Variants in XRCC4 observed in about 807,000 individuals in gnomAD.
The protein encoded by XRCC4 is DNA repair protein XRCC4.
Under a neutral mutation model 39.1 loss-of-function variants are expected in XRCC4, and 28 were observed. The observed-to-expected ratio is 0.72, with a 90% CI of 0.53 to 0.98. XRCC4 has a LOEUF of 0.98. Among genes scored for constraint, XRCC4 ranks in the 50% least tolerant of loss-of-function variants. The pLI is 0.00. For missense variants in XRCC4, 350 were observed against 376.4 expected (o/e 0.93, Z 0.58); for synonymous variants, 123 against 126.4 (o/e 0.97, Z 0.18).
At chr5:83,192,760 A>G (rs1390010998) in intron 3 of XRCC4, among the ~76,000 whole-genome samples, 1 of 152,158 alleles carries the variant, frequency 6.6e-6, no homozygotes, top group Admixed American at 6.5e-5. Flanking sequence ...AGAACTAACT[A>G]CAAAAAAACT....
chr5:83,110,445 G>A (rs1229172158), intron 2 of XRCC4, among the ~76,000 whole-genome samples: 2 of 151,952 alleles, frequency 1.3e-5, no homozygotes, highest in East Asian at 3.9e-4. Flanking sequence ...ACCTAGATAA[G>A]AGAATTGGAA....
chr5:83,131,248 G>T (rs79451822), intron 3 of XRCC4, among the ~76,000 whole-genome samples: 10 of 152,302 alleles, frequency 6.6e-5, no homozygotes, highest in Non-Finnish European at 1.3e-4. Context: ...TTCAGGGGCA[G>T]GTTGTTCAGT....
chr5:83,159,424 C>G (rs1012684912), intron 3 of XRCC4, among the ~76,000 whole-genome samples: 3 of 152,068 alleles, frequency 2.0e-5, no homozygotes, highest in African/African-American at 7.2e-5. Context: ...CCCCAGAACA[C>G]TGCCATGTGA....
Position 83,304,142 on chromosome 5 carries a change from A to T in XRCC4, c.893+45465A>T, listed in dbSNP as rs375339456. Among the ~76,000 whole-genome samples the T allele has an allele frequency of 1.1e-3, 166 of 151,880 alleles. 4 individuals carry two copies. In the South Asian group the frequency reaches 0.032, roughly 29 times the overall value. ...AGTACTTTTATTTAAGATCACATGA[A>T]TCATCTGCCCAAAATTACTGGGCTG... On this transcript the variant is annotated intron_variant, in intron 7 of 7. Transcript: ENST00000396027.
intron 2 of XRCC4, 126 bp downstream of exon 2, chr5:83,105,184 T>G: frequency 2.2e-6 from 2 of 890,052 alleles, no homozygotes; most frequent in Non-Finnish European, 3.3e-6. Context: ...GCTGTCAAAT[T>G]TATACACAGG....
chr5:83,345,428 A>C (rs890780604), intron 7 of XRCC4, among the ~76,000 whole-genome samples: 1 of 152,174 alleles, frequency 6.6e-6, no homozygotes, highest in African/African-American at 2.4e-5. Flanking sequence ...TATGTGTTGT[A>C]TAGGTAGAAA....
chr5:83,359,852 A>G, the XRCC4 span, among the ~76,000 whole-genome samples: 19 of 152,192 alleles, frequency 1.2e-4, no homozygotes, highest in Non-Finnish European at 7.3e-5. Flanking sequence ...AATCAATTTT[A>G]TAATTAAATA....
intron 6 of XRCC4, among the ~76,000 whole-genome samples, chr5:83,221,923 A>T (rs2112790072): frequency 6.6e-6 from 1 of 151,956 alleles, no homozygotes; most frequent in Non-Finnish European, 1.5e-5. Flanking sequence ...GTTATGAAAT[A>T]TCTCTCGTTA....
intron 6 of XRCC4, among the ~76,000 whole-genome samples, chr5:83,257,344 G>GAA (rs113339160): frequency 2.8e-5 from 4 of 141,798 alleles, no homozygotes; most frequent in African/African-American, 1.0e-4. Flanking sequence ...AAATTTACAA[G>GAA]AAAAAAAAAA....
chr5:83,127,207 A>G (rs1747311196), intron 3 of XRCC4, among the ~76,000 whole-genome samples: 1 of 152,104 alleles, frequency 6.6e-6, no homozygotes, highest in Non-Finnish European at 1.5e-5. Flanking sequence ...GGGGTGGAAT[A>G]CTATGGTCTG....
At chr5:83,185,165 G>A (rs1358274825) in intron 3 of XRCC4, among the ~76,000 whole-genome samples, 2 of 151,948 alleles carry the variant, frequency 1.3e-5, no homozygotes, top group African/African-American at 4.8e-5. Context: ...ATCAGCTATA[G>A]TGTAGGACGT....
chr5:83,368,469 AC>A, the XRCC4 span, among the ~76,000 whole-genome samples: 12 of 152,180 alleles, frequency 7.9e-5, no homozygotes, highest in Non-Finnish European at 1.3e-4. Flanking sequence ...GCCCAAGGCA[AC>A]AAAACCTGGT....
chr5:83,106,582 A>G lies in XRCC4; in HGVS notation c.139+1524A>G, dbSNP rs567912822. ...TTTTTTAATCATTAAGTATTGGGGGAAAAAAGAACACTCCATTAACTCTTA... is the reference window on the plus strand; with the variant it reads ...TTTTTTAATCATTAAGTATTGGGGGGAAAAAGAACACTCCATTAACTCTTA... On this transcript the variant is annotated intron_variant, in intron 2 of 7. Transcript: ENST00000396027. Among the ~76,000 whole-genome samples the G allele has an allele frequency of 5.3e-5, 8 of 151,490 alleles. 1 individual carries two copies. In the South Asian group the frequency reaches 6.2e-4, roughly 12 times the overall value.
the XRCC4 span, among the ~76,000 whole-genome samples, chr5:83,371,446 T>A: frequency 6.6e-6 from 1 of 152,106 alleles, no homozygotes; most frequent in African/African-American, 2.4e-5. Context: ...AATGAATACA[T>A]GAATAAATTG....
chr5:83,267,989 T>G (rs1051925501), intron 7 of XRCC4, among the ~76,000 whole-genome samples: 1 of 152,190 alleles, frequency 6.6e-6, no homozygotes, highest in Non-Finnish European at 1.5e-5. Context: ...CAAGAACTGT[T>G]AAAAGGTTTT....
chr5:83,093,912 C>T (rs576288278), intron 1 of XRCC4, among the ~76,000 whole-genome samples: 16 of 152,078 alleles, frequency 1.1e-4, no homozygotes, highest in South Asian at 6.2e-4. Context: ...CCCCATCCCC[C>T]GAGCAGTTTG....
intron 1 of XRCC4, among the ~76,000 whole-genome samples, chr5:83,098,986 A>T (rs959986402): frequency 6.6e-6 from 1 of 152,054 alleles, no homozygotes. Flanking sequence ...TTGAATTTTT[A>T]TAATGTGATA....
chr5:83,124,706 G>T (rs1406784802), intron 3 of XRCC4, among the ~76,000 whole-genome samples: 1 of 152,316 alleles, frequency 6.6e-6, no homozygotes, highest in South Asian at 2.1e-4. Flanking sequence ...TGGAATGCAT[G>T]CATGCTTATA....
At chr5:83,184,807 A>G (rs1750363232) in intron 3 of XRCC4, among the ~76,000 whole-genome samples, 1 of 152,132 alleles carries the variant, frequency 6.6e-6, no homozygotes. Context: ...GTAATCAACC[A>G]TTTTAAAAAG....
Sources: gnomAD v4.1 joint callset for allele counts (sites outside exome capture counted in the v4.1 genomes callset) on GRCh38, gnomAD v4.1.1 for gene constraint, MANE v1.5 for transcripts, NCBI Gene and HGNC (gene_info 2026-07-23, HGNC 2026-07-21) for gene names.